The following KCND2 variants were observed in gnomAD, a reference collection of about 807,000 sequenced individuals.
The protein encoded by KCND2 is A-type voltage-gated potassium channel KCND2.
KCND2 carries 16 observed loss-of-function variants against 54.4 expected under a neutral mutation model. The ratio of observed to expected loss-of-function variants is 0.29; its 90% CI spans 0.20 to 0.45. KCND2 has a LOEUF of 0.45. Ranked by LOEUF, KCND2 falls within the 20% of genes least tolerant of loss-of-function variation. KCND2 has a pLI of 1.00. For synonymous variants in KCND2, 317 were observed against 310.7 expected (o/e 1.02, Z -0.21); for missense variants, 486 against 824.2 (o/e 0.59, Z 5.02).
chr7:120,285,650 C>T (rs1799329302), intron 1 of KCND2, among the ~76,000 whole-genome samples: 1 of 151,510 alleles, frequency 6.6e-6, no homozygotes, highest in African/African-American at 2.4e-5. Flanking sequence ...TTAATGTTTG[C>T]AATAAAGGGC....
intron 1 of KCND2, among the ~76,000 whole-genome samples, chr7:120,658,535 A>G (rs1009653605): frequency 1.3e-5 from 2 of 152,142 alleles, no homozygotes; most frequent in Admixed American, 1.3e-4. Flanking sequence ...TTCTCCCTTC[A>G]TTAGACCAGT....
At chr7:120,696,054 A>G (rs1792329613) in intron 1 of KCND2, among the ~76,000 whole-genome samples, 3 of 152,210 alleles carry the variant, frequency 2.0e-5, no homozygotes, top group Non-Finnish European at 4.4e-5. Flanking sequence ...ACATCAAACA[A>G]GGCAGCCAGC....
At chr7:120,542,232 G>A (rs1418531679) in intron 1 of KCND2, among the ~76,000 whole-genome samples, 1 of 152,080 alleles carries the variant, frequency 6.6e-6, no homozygotes, top group Non-Finnish European at 1.5e-5. Flanking sequence ...ATGTATTGCA[G>A]TGTGTGCTTA....
chr7:120,319,369 G>T (rs949147737), intron 1 of KCND2, among the ~76,000 whole-genome samples: 1 of 151,932 alleles, frequency 6.6e-6, no homozygotes, highest in African/African-American at 2.4e-5. Context: ...TAAAAAATGG[G>T]ACACATACCT....
intron 1 of KCND2, among the ~76,000 whole-genome samples, chr7:120,276,112 G>A (rs908814516): frequency 6.6e-6 from 1 of 152,026 alleles, no homozygotes; most frequent in Non-Finnish European, 1.5e-5. Flanking sequence ...ATATTGAAAT[G>A]TCTATAAAGT....
chr7:120,557,268 T>C (rs1326726841), intron 1 of KCND2, among the ~76,000 whole-genome samples: 1 of 152,104 alleles, frequency 6.6e-6, no homozygotes, highest in African/African-American at 2.4e-5. Context: ...TAAATATTTA[T>C]CTTTTCTTTA....
intron 1 of KCND2, among the ~76,000 whole-genome samples, chr7:120,621,908 C>G (rs1793103760): frequency 6.6e-6 from 1 of 151,864 alleles, no homozygotes; most frequent in South Asian, 2.1e-4. Context: ...CTGAAAGCAC[C>G]CAGGTACCCC....
At chr7:120,454,801 A>C (rs1802170331) in intron 1 of KCND2, among the ~76,000 whole-genome samples, 1 of 152,070 alleles carries the variant, frequency 6.6e-6, no homozygotes, top group Admixed American at 6.6e-5. Flanking sequence ...TCTGTCCAAA[A>C]CCTCCTAGAT....
intron 1 of KCND2, among the ~76,000 whole-genome samples, chr7:120,445,305 G>A (rs923125809): frequency 3.9e-5 from 6 of 152,092 alleles, no homozygotes; most frequent in African/African-American, 1.4e-4. Flanking sequence ...TAATATTTTT[G>A]TGTTCCTCTA....
chr7:120,278,188 C>A (rs1460961145), intron 1 of KCND2, among the ~76,000 whole-genome samples: 1 of 151,782 alleles, frequency 6.6e-6, no homozygotes, highest in Non-Finnish European at 1.5e-5. Flanking sequence ...ATGTATTGTA[C>A]CCTGAAGAAA....
intron 1 of KCND2, among the ~76,000 whole-genome samples, chr7:120,538,663 T>A (rs1017413884): frequency 3.7e-4 from 56 of 152,280 alleles, no homozygotes; most frequent in East Asian, 1.4e-3. Context: ...CCATGTTTTA[T>A]ACAGATGGAC....
At chr7:120,284,795 A>G (rs1304341017) in intron 1 of KCND2, among the ~76,000 whole-genome samples, 11 of 152,178 alleles carry the variant, frequency 7.2e-5, no homozygotes, top group Admixed American at 5.9e-4. Context: ...TTACAGCACA[A>G]TACACTGGAG....
At chr7:120,680,173 G>A (rs951049168) in intron 1 of KCND2, among the ~76,000 whole-genome samples, 29 of 152,026 alleles carry the variant, frequency 1.9e-4, no homozygotes, top group African/African-American at 6.0e-4. Flanking sequence ...AGGTACAAAC[G>A]GGGAGGACAT....
At chr7:120,483,008 A>AT (rs1460520799) in intron 1 of KCND2, among the ~76,000 whole-genome samples, 1 of 152,166 alleles carries the variant, frequency 6.6e-6, no homozygotes, top group Non-Finnish European at 1.5e-5. Flanking sequence ...TGGCAAGGTG[A>AT]GGGGACTTGA....
At chr7:120,620,410 A>G (rs1429441142) in intron 1 of KCND2, among the ~76,000 whole-genome samples, 1 of 152,172 alleles carries the variant, frequency 6.6e-6, no homozygotes, top group Non-Finnish European at 1.5e-5. Context: ...TTAATATATT[A>G]TGAGTAACTG....
intron 1 of KCND2, among the ~76,000 whole-genome samples, chr7:120,319,976 C>G (rs1047066724): frequency 6.6e-6 from 1 of 151,720 alleles, no homozygotes; most frequent in Non-Finnish European, 1.5e-5. Context: ...TAGTTTAGGC[C>G]TATGAAAATG....
intron 1 of KCND2, among the ~76,000 whole-genome samples, chr7:120,346,442 ATT>A (rs1490469620): frequency 6.6e-6 from 1 of 152,154 alleles, no homozygotes; most frequent in African/African-American, 2.4e-5. Flanking sequence ...ATTCATTTCT[ATT>A]TTAAAATATT....
At chr7:120,519,846 T>C (rs571204960) in intron 1 of KCND2, among the ~76,000 whole-genome samples, 1 of 152,300 alleles carries the variant, frequency 6.6e-6, no homozygotes, top group African/African-American at 2.4e-5. Context: ...ATTTGCTTCA[T>C]ATTTATTTAA....
At chr7:120,567,935 A>C (rs1338912266) in intron 1 of KCND2, among the ~76,000 whole-genome samples, 1 of 152,128 alleles carries the variant, frequency 6.6e-6, no homozygotes, top group Non-Finnish European at 1.5e-5. Context: ...TATACTTTGC[A>C]TCAATGATGC....
Sources: allele counts gnomAD v4.1 joint callset (sites outside exome capture counted in the v4.1 genomes callset), GRCh38; gene constraint gnomAD v4.1.1; transcripts MANE v1.5; gene names NCBI Gene and HGNC (gene_info 2026-07-23, HGNC 2026-07-21).